BLVRB: variants seen among roughly 807,000 people sequenced by gnomAD.
The protein encoded by BLVRB is biliverdin reductase B.
In BLVRB, 25 loss-of-function variants were observed where a neutral mutation model predicts 21.1. The ratio of observed to expected loss-of-function variants is 1.19; its 90% CI spans 0.86 to 1.66. The LOEUF is 1.66. BLVRB is among the 40% of genes most tolerant of loss of function. The pLI, the probability that BLVRB is intolerant of heterozygous loss-of-function variation, is 0.00. For synonymous variants in BLVRB, 128 were observed against 122.2 expected (o/e 1.05, Z -0.31); for missense variants, 274 against 282.7 (o/e 0.97, Z 0.22).
chr19:40,451,406 C>A lies in BLVRB; in HGVS notation c.421G>T (p.Glu141Ter). 1 of 1,611,540 alleles carries A rather than the reference C, an allele frequency of 6.2e-7. No homozygotes were observed. Among genetic ancestry groups the A allele is most frequent in the African/African-American group, 1.3e-5 (1 of 75,036 alleles). Residue 141 changes from glutamate (E) to a stop codon, truncating the protein, a stop_gained, in exon 4 of 5, where the codon GAA becomes TAA. Coordinates refer to ENST00000263368, the MANE Select transcript of BLVRB (RefSeq NM_000713.3). LOFTEE classifies it high-confidence loss of function. Reference sequence around the variant, plus strand: ...ACAGCCACGTACTTCAGGCCTGATTCCCGCAGCACCTTGTGCATCCGGATG... The same window carrying A: ...ACAGCCACGTACTTCAGGCCTGATTACCGCAGCACCTTGTGCATCCGGATG... ...DHIRMHKVLR[E>*]SGLKYVAVMP...
At chr19:40,461,123 TCTGC>T (rs1420003234) in intron 1 of BLVRB, among the ~76,000 whole-genome samples, 2 of 151,972 alleles carry the variant, frequency 1.3e-5, no homozygotes, top group Admixed American at 6.6e-5. Flanking sequence ...ACTCAAGTAA[TCTGC>T]CTGGCATGGC....
Position 40,447,980 on chromosome 19 carries a change from G to A in BLVRB, c.530C>T (p.Ser177Phe). ...CATGAAATGGCCCAGGTCATGTTTG[G>A]AGATGACCCTTGAGGGCCCTCGTCC... ...LDGRGPSRVISKHDLGHFMLR... is the reference protein window; with the variant it reads ...LDGRGPSRVIFKHDLGHFMLR... The change falls in exon 5 of 5, where the codon TCC becomes TTC. Residue 177 changes from serine (S) to phenylalanine (F), a missense_variant. Coordinates refer to ENST00000263368, the MANE Select transcript of BLVRB (RefSeq NM_000713.3). The A allele has an allele frequency of 1.2e-6, 2 of 1,614,128 alleles. No homozygotes were observed. Among genetic ancestry groups the A allele is most frequent in the Non-Finnish European group, 1.7e-6 (2 of 1,180,002 alleles).
chr19:40,460,099 T>G (rs1207721050), intron 1 of BLVRB, among the ~76,000 whole-genome samples: 1 of 152,024 alleles, frequency 6.6e-6, no homozygotes, highest in Non-Finnish European at 1.5e-5. Context: ...CTTAGTATGT[T>G]CCTTCCCAAA....
intron 1 of BLVRB, among the ~76,000 whole-genome samples, chr19:40,460,968 G>A (rs574907215): frequency 7.6e-5 from 11 of 145,572 alleles, no homozygotes; most frequent in Admixed American, 1.3e-4. Context: ...GCGAAACTCC[G>A]TCTCAAACAA....
chr19:40,459,187 G>C (rs2079775521), intron 1 of BLVRB, among the ~76,000 whole-genome samples: 1 of 150,566 alleles, frequency 6.6e-6, no homozygotes, highest in Admixed American at 6.6e-5. Context: ...AAATTAGCCA[G>C]GCATGGTGGC....
In BLVRB at chr19:40,448,624, T is replaced by A. The variant is rs1394597914; in HGVS notation, c.464-578A>T. On this transcript the variant is annotated intron_variant, in intron 4 of 4. Transcript: ENST00000263368. ...ACAACAACAAATATATATATATATATATATATATATATATATATATTTGTC... is the reference window on the plus strand; with the variant it reads ...ACAACAACAAATATATATATATATAAATATATATATATATATATATTTGTC... 3.9e-3 allele frequency among the ~76,000 whole-genome samples: 553 copies of A among 140,504 alleles called. 4 individuals are homozygous for A. The highest frequency in any genetic ancestry group is 0.014 in the African/African-American group (519 of 36,688). 92.2% of individuals were successfully genotyped at this position (140,504 alleles called of 152,430 possible). A position where few individuals can be genotyped will look rare whatever the true frequency, so the allele number is the denominator to read the frequency against.
rs1174896397 is a variant in BLVRB at position 40,451,462 on chromosome 19, G to A, written c.365C>T (p.Pro122Leu). The stretch of plus-strand genomic sequence containing the variant: ...ATCAGTCACAGCCTGCAGTCGTGGG[G>A]GCACCTTGGTAGGGTCCCAGAGCAG... ...AFLLWDPTKV[P>L]PRLQAVTDDH... is the part of the protein sequence containing the mutation. The change falls in exon 4 of 5, where the codon CCC becomes CTC. Residue 122 changes from proline (P) to leucine (L), a missense_variant. Coordinates refer to ENST00000263368, the MANE Select transcript of BLVRB (RefSeq NM_000713.3). 1 of 1,613,522 alleles carries A rather than the reference G, an allele frequency of 6.2e-7. No individual in the cohort carries two copies. The highest frequency in any genetic ancestry group is 1.7e-5 in the Admixed American group (1 of 59,940).
At chr19:40,457,823 C>T (rs948266715) in intron 3 of BLVRB, 116 of 339,000 alleles carry the variant, frequency 3.4e-4, no homozygotes, top group Non-Finnish European at 4.9e-4. Flanking sequence ...CTAAGTCGGA[C>T]GCCTCCTCTG....
rs773405252 is a variant in BLVRB at position 40,458,513 on chromosome 19, AG to A, written c.111del (p.Ser38ProfsTer14). On this transcript the variant is annotated frameshift_variant, in exon 2 of 5. Transcript: ENST00000263368. LOFTEE classifies it high-confidence loss of function. The stretch of plus-strand genomic sequence containing the variant: ...CGGGGCCCCTCTGATGGCAGCCTGG[AG>A]GAGTCCCGCACCAGCACTGTCACTT... ...GYEVTVLVRDSSRLPSEGPRP... is the reference protein window; with the variant it reads ...GYEVTVLVRDXSRLPSEGPRP... 5 of 1,611,754 alleles carry A rather than the reference AG, an allele frequency of 3.1e-6. No homozygotes were observed. The South Asian group carries it at 3.3e-5, about 11-fold the overall frequency.
At chr19:40,464,569 CAG>C (rs1209752025) in intron 1 of BLVRB, among the ~76,000 whole-genome samples, 1 of 152,184 alleles carries the variant, frequency 6.6e-6, no homozygotes, top group African/African-American at 2.4e-5. Flanking sequence ...CCAGGTGACT[CAG>C]CGCCTCTCAA....
At chr19:40,450,026 C>T (rs548352264) in intron 4 of BLVRB, among the ~76,000 whole-genome samples, 6 of 150,166 alleles carry the variant, frequency 4.0e-5, no homozygotes, top group South Asian at 2.1e-4. Flanking sequence ...GGTGAAACCC[C>T]GTCTCTACTA....
At chr19:40,465,589 C>G (rs1454931024) in intron 1 of BLVRB, 21 bp downstream of exon 1, 2 of 1,603,772 alleles carry the variant, frequency 1.2e-6, no homozygotes, top group South Asian at 1.1e-5. Flanking sequence ...CGTGACATGC[C>G]CCGCCCGCCC....
chr19:40,454,932 T>G (rs1460509472), intron 3 of BLVRB, among the ~76,000 whole-genome samples: 1 of 152,104 alleles, frequency 6.6e-6, no homozygotes, highest in Non-Finnish European at 1.5e-5. Flanking sequence ...ACCTCTGCCT[T>G]CTAGGCTCAA....
intron 1 of BLVRB, among the ~76,000 whole-genome samples, chr19:40,464,378 T>A (rs1054265631): frequency 1.3e-5 from 2 of 151,416 alleles, no homozygotes; most frequent in African/African-American, 4.9e-5. Context: ...ATAGGCATGA[T>A]CCACCGTGCC....
At chr19:40,450,224 A>T (rs1035399691) in intron 4 of BLVRB, 2 of 98,582 alleles carry the variant, frequency 2.0e-5, no homozygotes, top group Non-Finnish European at 4.1e-5. Context: ...AAAAAAAAAA[A>T]GCCAGGCGCA....
chr19:40,460,269 T>TATATATATATATATATAC lies in BLVRB; in HGVS notation c.80-1725_80-1724insGTATATATATATATATAT, dbSNP rs1281133813. On this transcript the variant is annotated intron_variant, in intron 1 of 4. Transcript: ENST00000263368. Reference sequence around the variant, plus strand: ...CAACATATATATATATATATATATATATATATTTAGAGACAGGGTCTTGCT... The same window carrying TATATATATATATATATAC: ...CAACATATATATATATATATATATATATATATATATATATATACATATATTTAGAGACAGGGTCTTGCT... 1.3e-4 allele frequency among the ~76,000 whole-genome samples: 18 copies of TATATATATATATATATAC among 140,710 alleles called. 1 individual carries two copies. The highest frequency in any genetic ancestry group is 5.0e-4 in the African/African-American group (18 of 35,780). 92.3% of individuals were successfully genotyped at this position (140,710 alleles called of 152,430 possible). A position where few individuals can be genotyped will look rare whatever the true frequency, so the allele number is the denominator to read the frequency against.
rs2079769895 is a variant in BLVRB at position 40,458,176 on chromosome 19, T to C, written c.313A>G (p.Lys105Glu). The change falls in exon 3 of 5, where the codon AAG (lysine) becomes GAG (glutamate). Residue 105 changes from lysine (K) to glutamate (E), a missense_variant. Coordinates refer to ENST00000263368, the MANE Select transcript of BLVRB (RefSeq NM_000713.3). ...VAAMKAHGVD[K>E]VVACTSAFLL... is the part of the protein sequence containing the mutation. ...CCACCCGAGGTGCAGGCCACGACCT[T>C]GTCCACACCATGAGCCTTCATGGCT... The C allele has an allele frequency of 6.2e-7, 1 of 1,614,042 alleles. No individual in the cohort carries two copies. Among genetic ancestry groups the C allele is most frequent in the African/African-American group, 1.3e-5 (1 of 75,044 alleles).
chr19:40,456,382 C>T (rs1050657740), intron 3 of BLVRB, among the ~76,000 whole-genome samples: 11 of 150,754 alleles, frequency 7.3e-5, no homozygotes, highest in African/African-American at 2.4e-4. Context: ...ATGATCAGGC[C>T]ACTGCACTCC....
At chr19:40,451,996 C>T (rs958146663) in intron 3 of BLVRB, among the ~76,000 whole-genome samples, 6 of 152,132 alleles carry the variant, frequency 3.9e-5, no homozygotes, top group Admixed American at 1.3e-4. Flanking sequence ...CTTCTCACTC[C>T]GCCTGGTCCT....
Sources: gnomAD v4.1 joint callset for allele counts (sites outside exome capture counted in the v4.1 genomes callset) on GRCh38, gnomAD v4.1.1 for gene constraint, MANE v1.5 for transcripts, NCBI Gene and HGNC (gene_info 2026-07-23, HGNC 2026-07-21) for gene names.